The following TIAM1 variants were observed in gnomAD, a reference collection of about 807,000 sequenced individuals.
The protein encoded by TIAM1 is TIAM Rac1 associated GEF 1.
Under a neutral mutation model 163.5 loss-of-function variants are expected in TIAM1, and 65 were observed. The ratio of observed to expected loss-of-function variants is 0.40; its 90% CI spans 0.33 to 0.49. The LOEUF (loss-of-function observed/expected upper bound fraction) is 0.49, where lower values mean the gene tolerates loss of function less well. Ranked by LOEUF, TIAM1 falls within the 20% of genes least tolerant of loss-of-function variation. The pLI, the probability that TIAM1 is intolerant of heterozygous loss-of-function variation, is 0.77. For synonymous variants in TIAM1, 833 were observed against 810.1 expected (o/e 1.03, Z -0.48); for missense variants, 1,789 against 2,044.7 (o/e 0.87, Z 2.41).
chr21:31,154,132 C>T, intron 17 of TIAM1, 115 bp downstream of exon 17: 1 of 1,213,278 alleles, frequency 8.2e-7, no homozygotes, highest in South Asian at 1.6e-5. Context: ...CAGGAGAAAC[C>T]AAGACGCTCT....
intron 1 of TIAM1, among the ~76,000 whole-genome samples, chr21:31,558,065 CAA>C: frequency 6.6e-6 from 1 of 152,276 alleles, no homozygotes; most frequent in East Asian, 1.9e-4. Context: ...TTCGAGGGGG[CAA>C]GCGGCAGCCG....
intron 2 of TIAM1, among the ~76,000 whole-genome samples, chr21:31,401,827 C>T (rs950019487): frequency 6.6e-6 from 1 of 151,864 alleles, no homozygotes; most frequent in Non-Finnish European, 1.5e-5. Flanking sequence ...AAGAGGATTG[C>T]TTGAACCCAG....
intron 16 of TIAM1, among the ~76,000 whole-genome samples, chr21:31,159,479 G>C (rs1046297238): frequency 5.9e-5 from 9 of 152,180 alleles, no homozygotes; most frequent in East Asian, 1.9e-4. Context: ...CTTTGAGTCT[G>C]ACCGATTTAA....
intron 2 of TIAM1, among the ~76,000 whole-genome samples, chr21:31,288,583 T>C (rs1209441415): frequency 1.3e-5 from 2 of 152,166 alleles, no homozygotes; most frequent in Non-Finnish European, 2.9e-5. Context: ...CACATTCAGG[T>C]ATTAGGTTCC....
At chr21:31,476,941 T>C (rs912142642) in intron 1 of TIAM1, among the ~76,000 whole-genome samples, 2 of 152,218 alleles carry the variant, frequency 1.3e-5, no homozygotes, top group African/African-American at 4.8e-5. Context: ...CTCTAGATAC[T>C]TTCTGAAAGC....
At chr21:31,396,439 T>C (rs566385121) in intron 2 of TIAM1, among the ~76,000 whole-genome samples, 4 of 152,218 alleles carry the variant, frequency 2.6e-5, no homozygotes, top group African/African-American at 9.6e-5. Context: ...CCACCCTGTC[T>C]AAAATAGATA....
chr21:31,227,465 A>C (rs955096905), intron 6 of TIAM1, among the ~76,000 whole-genome samples: 1 of 152,248 alleles, frequency 6.6e-6, no homozygotes, highest in Non-Finnish European at 1.5e-5. Context: ...CTGGTCCAGC[A>C]GTTGTTATGT....
intron 2 of TIAM1, among the ~76,000 whole-genome samples, chr21:31,380,508 A>G (rs2076760381): frequency 6.6e-6 from 1 of 152,192 alleles, no homozygotes; most frequent in African/African-American, 2.4e-5. Flanking sequence ...ACACCATTGC[A>G]CTCCAGCCTG....
intron 2 of TIAM1, among the ~76,000 whole-genome samples, chr21:31,281,237 G>A (rs754139110): frequency 6.6e-6 from 1 of 152,038 alleles, no homozygotes; most frequent in African/African-American, 2.4e-5. Context: ...GTTCAATTCA[G>A]GTGCTATTAC....
intron 2 of TIAM1, among the ~76,000 whole-genome samples, chr21:31,334,049 C>T (rs1224600078): frequency 1.3e-5 from 2 of 152,192 alleles, no homozygotes; most frequent in African/African-American, 2.4e-5. Flanking sequence ...AGGTGAAAAT[C>T]GGAAACGCTT....
At chr21:31,388,212 A>C (rs993196728) in intron 2 of TIAM1, among the ~76,000 whole-genome samples, 1 of 115,940 alleles carries the variant, frequency 8.6e-6, no homozygotes, top group South Asian at 3.0e-4. Context: ...AGAAGACCCT[A>C]ACACACACAC....
chr21:31,495,067 T>C (rs908267977), intron 1 of TIAM1, among the ~76,000 whole-genome samples: 1 of 152,186 alleles, frequency 6.6e-6, no homozygotes, highest in South Asian at 2.1e-4. Flanking sequence ...TAAGTGTGCA[T>C]ATATAAATGT....
chr21:31,242,289 G>A (rs1415889558), intron 6 of TIAM1, among the ~76,000 whole-genome samples: 38 of 152,088 alleles, frequency 2.5e-4, no homozygotes, highest in Admixed American at 2.4e-3. Flanking sequence ...GGAGGCTGAG[G>A]CAGGAAGATC....
At chr21:31,507,516 C>T (rs1232443726) in intron 1 of TIAM1, among the ~76,000 whole-genome samples, 1 of 151,774 alleles carries the variant, frequency 6.6e-6, no homozygotes, top group Non-Finnish European at 1.5e-5. Flanking sequence ...CATGTCTGGT[C>T]CCTTTTAAAA....
intron 2 of TIAM1, among the ~76,000 whole-genome samples, chr21:31,337,491 A>C (rs2075876987): frequency 6.7e-6 from 1 of 150,192 alleles, no homozygotes; most frequent in African/African-American, 2.5e-5. Context: ...AGGGTTAATA[A>C]TTGTTGTTTT....
At chr21:31,202,359 C>T (rs1012330459) in intron 12 of TIAM1, among the ~76,000 whole-genome samples, 81 of 151,056 alleles carry the variant, frequency 5.4e-4, no homozygotes, top group African/African-American at 1.8e-3. Flanking sequence ...CAAGACCAGC[C>T]TGGGCAACAA....
At chr21:31,528,961 G>C (rs1418771563) in intron 1 of TIAM1, among the ~76,000 whole-genome samples, 1 of 110,152 alleles carries the variant, frequency 9.1e-6, no homozygotes. Context: ...AGTCTCAGTC[G>C]CCCAGGCTGG....
chr21:31,472,795 C>G (rs1248673714), intron 1 of TIAM1, among the ~76,000 whole-genome samples: 1 of 152,220 alleles, frequency 6.6e-6, no homozygotes, highest in Non-Finnish European at 1.5e-5. Context: ...ATAATAACAG[C>G]ATCTAGCTAA....
rs1389848422 is a variant in TIAM1 at position 31,120,878 on chromosome 21, T to C, written c.4307-41A>G. The stretch of plus-strand genomic sequence containing the variant: ...AAAATATAAAAATAAAACCCCCACA[T>C]GCTTTACGTGAGATGAAAATCCAGA... On this transcript the variant is annotated intron_variant, in intron 27 of 27. Transcript: ENST00000541036. The surrounding 1 kb of genome is among the most constrained non-coding windows in gnomAD (Gnocchi z 4.2). The C allele has an allele frequency of 2.0e-6, 3 of 1,515,992 alleles. No individual in the cohort carries two copies. The highest frequency in any genetic ancestry group is 4.6e-5 in the East Asian group (2 of 43,098). The allele number at this position is 1,515,992 out of a possible 1,614,324, so 93.9% of individuals were successfully genotyped here.
Sources: allele counts gnomAD v4.1 joint callset (sites outside exome capture counted in the v4.1 genomes callset), GRCh38; gene constraint gnomAD v4.1.1; non-coding constraint Gnocchi (gnomAD v3.1); transcripts MANE v1.5; gene names NCBI Gene and HGNC (gene_info 2026-07-23, HGNC 2026-07-21).